Variants in TERF1 observed in about 807,000 individuals in gnomAD.
TERF1 encodes telomeric repeat binding factor 1, also known as telomeric repeat-binding factor 1.
TERF1 carries 20 observed loss-of-function variants against 55.1 expected under a neutral mutation model. That is an observed-to-expected ratio of 0.36 (90% CI 0.26 to 0.53). The LOEUF (loss-of-function observed/expected upper bound fraction) is 0.53. Among genes scored for constraint, TERF1 ranks in the 20% least tolerant of loss-of-function variants. TERF1 has a pLI of 0.91. For synonymous variants in TERF1, 168 were observed against 181.2 expected (o/e 0.93, Z 0.59); for missense variants, 439 against 535.7 (o/e 0.82, Z 1.78).
rs1810030164 is a variant in TERF1 at position 73,046,300 on chromosome 8, A to G, written c.*163A>G. On this transcript the variant is annotated 3_prime_UTR_variant, in exon 10 of 10. Coordinates refer to ENST00000276603, the MANE Select transcript of TERF1 (RefSeq NM_017489.3). ...GGGTTTGTGCTACCAGAGTTAAAGC[A>G]TATGCTATCATTGTATTCTTTAAGA... The G allele has an allele frequency of 1.3e-5, 6 of 477,906 alleles. No homozygotes were observed. The highest frequency in any genetic ancestry group is 6.2e-5 in the South Asian group (1 of 16,156). The allele number at this position is 477,906 out of a possible 1,614,324, so 29.6% of individuals were successfully genotyped here.
At chr8:73,038,861 A>G (rs1809713761) in intron 8 of TERF1, 2 of 565,522 alleles carry the variant, frequency 3.5e-6, no homozygotes, top group African/African-American at 3.9e-5. Context: ...GATAATGGAA[A>G]GACAGGTTCA....
chr8:73,037,597 TATC>T (rs1402219226), intron 8 of TERF1, among the ~76,000 whole-genome samples: 8 of 103,206 alleles, frequency 7.8e-5, no homozygotes, highest in Non-Finnish European at 1.3e-4. Flanking sequence ...ATATATAACA[TATC>T]ATAAATTTAT....
intron 9 of TERF1, among the ~76,000 whole-genome samples, chr8:73,040,001 CTTT>C (rs33975806): frequency 5.2e-5 from 6 of 114,328 alleles, no homozygotes; most frequent in Non-Finnish European, 7.4e-5. Context: ...TCGAAGGTGC[CTTT>C]TTTTTTTTTT....
chr8:73,031,792 G>A, intron 7 of TERF1: 1 of 288,308 alleles, frequency 3.5e-6, no homozygotes, highest in Non-Finnish European at 6.4e-6. Context: ...TTTTTTGCCT[G>A]CTTCTTCTGA....
Position 73,012,716 on chromosome 8 carries a change from C to T in TERF1, c.320-1179C>T, listed in dbSNP as rs529167398. The T allele has an allele frequency of 3.1e-4, 81 of 262,622 alleles. 1 individual carries two copies. Among genetic ancestry groups the T allele is most frequent in the South Asian group, 2.5e-3 (70 of 27,818 alleles). The allele number at this position is 262,622 out of a possible 1,614,324, so 16.3% of individuals were successfully genotyped here. On this transcript the variant is annotated intron_variant, in intron 1 of 9. Coordinates refer to ENST00000276603, the MANE Select transcript of TERF1 (RefSeq NM_017489.3). ...GTTAGACTTGGCTCAAGCTGGGCTG[C>T]GGTAAACTTTCAATTTGTAAAAAAC...
chr8:73,047,866 C>T lies in TERF1; in HGVS notation c.*1729C>T, dbSNP rs1810105980. ...AGCCAAAATAGACTTGTTAAGTCAA[C>T]CTCATTCCAAACACCTGCTATAGAT... On this transcript the variant is annotated 3_prime_UTR_variant, in exon 10 of 10. Coordinates refer to ENST00000276603, the MANE Select transcript of TERF1 (RefSeq NM_017489.3). The T allele has an allele frequency of 6.6e-6, 1 of 152,174 alleles. No homozygotes were observed. The highest frequency in any genetic ancestry group is 2.4e-5 in the African/African-American group (1 of 41,456). The allele number at this position is 152,174 out of a possible 1,614,324, so 9.4% of individuals were successfully genotyped here. A position where few individuals can be genotyped will look rare whatever the true frequency, so the allele number is the denominator to read the frequency against.
chr8:73,038,278 A>G (rs926291886), intron 8 of TERF1, among the ~76,000 whole-genome samples: 1 of 151,560 alleles, frequency 6.6e-6, no homozygotes, highest in Non-Finnish European at 1.5e-5. Context: ...TAGTGAAACC[A>G]TGTCTTTACA....
chr8:73,012,727 C>CA, intron 1 of TERF1: 1 of 264,114 alleles, frequency 3.8e-6, no homozygotes, highest in Non-Finnish European at 7.8e-6. Context: ...GGTAAACTTT[C>CA]AATTTGTAAA....
intron 5 of TERF1, 57 bp downstream of exon 5, chr8:73,025,028 A>T (rs903534166): frequency 2.8e-6 from 3 of 1,061,420 alleles, no homozygotes; most frequent in East Asian, 5.3e-5. Context: ...GTTATAATAA[A>T]GGAGAATACT....
At chr8:73,018,319 A>G (rs1808609290) in intron 2 of TERF1, among the ~76,000 whole-genome samples, 1 of 152,238 alleles carries the variant, frequency 6.6e-6, no homozygotes, top group South Asian at 2.1e-4. Context: ...ATTTGAAACT[A>G]CGAATATTTA....
At position 73,039,770 on chromosome 8, in the gene TERF1, GGTGTGTGTGTGTGTGTGTGTGTGTGT is replaced by G. The variant is rs35184446; in HGVS notation, c.1143+572_1143+597del. Among the ~76,000 whole-genome samples, 778 of 136,452 alleles carry G rather than the reference GGTGTGTGTGTGTGTGTGTGTGTGTGT, an allele frequency of 5.7e-3. 5 individuals are homozygous for G. Among genetic ancestry groups the G allele is most frequent in the African/African-American group, 0.019 (705 of 36,732 alleles). 89.5% of individuals were successfully genotyped at this position (136,452 alleles called of 152,430 possible). A position where few individuals can be genotyped will look rare whatever the true frequency, so the allele number is the denominator to read the frequency against. ...GGATAAATCTGGTCTTTGTTTTTGT[GGTGTGTGTGTGTGTGTGTGTGTGTGT>G]GTGTGTGTGTGTGTGTGTGTTTCCC... is the stretch of plus-strand genomic sequence containing the variant. On this transcript the variant is annotated intron_variant, in intron 9 of 9. Coordinates refer to ENST00000276603, the MANE Select transcript of TERF1 (RefSeq NM_017489.3).
intron 1 of TERF1, chr8:73,012,183 C>G (rs1478095644): frequency 6.6e-6 from 1 of 152,094 alleles, no homozygotes; most frequent in Non-Finnish European, 1.5e-5. Context: ...AAGGGCTGGT[C>G]AGTGGAGCAG....
intron 1 of TERF1, chr8:73,011,986 C>T (rs1156840812): frequency 6.6e-6 from 1 of 152,178 alleles, no homozygotes; most frequent in Non-Finnish European, 1.5e-5. Context: ...ATGTTTCAGC[C>T]TATCATGGCA....
chr8:73,036,765 A>G (rs1033900765), intron 8 of TERF1, among the ~76,000 whole-genome samples: 8 of 147,488 alleles, frequency 5.4e-5, no homozygotes, highest in Non-Finnish European at 1.0e-4. Context: ...ACTAAATTGT[A>G]GTAAATAATT....
chr8:73,026,912 CCTT>C (rs776774162), intron 5 of TERF1, 25 bp from the exon 6 acceptor site: 8 of 1,547,430 alleles, frequency 5.2e-6, no homozygotes, highest in African/African-American at 2.7e-5. Context: ...TTCTTCCTAT[CCTT>C]CTACCTCCAC....
chr8:73,041,349 T>G (rs1195184917), intron 9 of TERF1, among the ~76,000 whole-genome samples: 1 of 152,196 alleles, frequency 6.6e-6, no homozygotes, highest in Non-Finnish European at 1.5e-5. Context: ...AGACTGCTTT[T>G]TAATAAGAAT....
intron 8 of TERF1, among the ~76,000 whole-genome samples, chr8:73,036,140 A>G (rs1192694146): frequency 6.6e-6 from 1 of 152,266 alleles, no homozygotes; most frequent in African/African-American, 2.4e-5. Flanking sequence ...AGGAAAACTC[A>G]GAGCCAAGGG....
chr8:73,032,648 A>G (rs1453633078), intron 8 of TERF1, among the ~76,000 whole-genome samples: 1 of 152,098 alleles, frequency 6.6e-6, no homozygotes, highest in African/African-American at 2.4e-5. Flanking sequence ...AAATCACCCA[A>G]CGCCCCATTT....
At chr8:73,022,438 A>G (rs1808805157) in intron 4 of TERF1, 136 bp downstream of exon 4, 1 of 473,292 alleles carries the variant, frequency 2.1e-6, no homozygotes, top group Admixed American at 4.5e-5. Flanking sequence ...CAGAAAAACT[A>G]CGCAAGTCAC....
Sources: allele counts gnomAD v4.1 joint callset (sites outside exome capture counted in the v4.1 genomes callset), GRCh38; gene constraint gnomAD v4.1.1; transcripts MANE v1.5; gene names NCBI Gene and HGNC (gene_info 2026-07-23, HGNC 2026-07-21).